ADAMTSL1: variants seen among roughly 807,000 people sequenced by gnomAD.
The protein encoded by ADAMTSL1 is ADAMTS like 1.
A neutral mutation model predicts 201.8 loss-of-function variants in ADAMTSL1; 126 were observed. That is an observed-to-expected ratio of 0.62 (90% CI 0.54 to 0.72). ADAMTSL1 has a LOEUF of 0.72. ADAMTSL1 is among the 30% of genes least tolerant of loss of function. The probability of loss-of-function intolerance (pLI) is 0.00; values close to 1 mark genes in which losing one functional copy is unlikely to be tolerated. For synonymous variants in ADAMTSL1, 1,121 were observed against 903.4 expected (o/e 1.24, Z -4.32); for missense variants, 2,679 against 2,277.8 (o/e 1.18, Z -3.59).
chr9:18,300,474 T>C (rs1345688609), intron 2 of ADAMTSL1, among the ~76,000 whole-genome samples: 1 of 57,946 alleles, frequency 1.7e-5, no homozygotes. Flanking sequence ...GGAGGGGGGC[T>C]GGGGGAGGGA....
At chr9:18,468,896 C>A (rs1234501582) in intron 2 of ADAMTSL1, among the ~76,000 whole-genome samples, 1 of 152,156 alleles carries the variant, frequency 6.6e-6, no homozygotes, top group Non-Finnish European at 1.5e-5. Flanking sequence ...TCAAATTTTA[C>A]AATTGTGGAG....
At chr9:18,806,621 A>G (rs1823136283) in intron 20 of ADAMTSL1, among the ~76,000 whole-genome samples, 1 of 152,168 alleles carries the variant, frequency 6.6e-6, no homozygotes, top group Non-Finnish European at 1.5e-5. Flanking sequence ...TAGGCCAAAG[A>G]TATTTTTCAA....
chr9:18,809,080 A>G (rs987298516), intron 20 of ADAMTSL1, among the ~76,000 whole-genome samples: 2 of 152,254 alleles, frequency 1.3e-5, no homozygotes, highest in Non-Finnish European at 2.9e-5. Context: ...GTGATCTCTG[A>G]TGTTATCAAA....
At chr9:18,478,078 T>G (rs1469052193) in intron 1 of ADAMTSL1, among the ~76,000 whole-genome samples, 1 of 152,198 alleles carries the variant, frequency 6.6e-6, no homozygotes, top group Non-Finnish European at 1.5e-5. Flanking sequence ...CTATTATGTA[T>G]GTATAAATTG....
At chr9:17,926,442 G>C (rs1826534808) in intron 1 of ADAMTSL1, among the ~76,000 whole-genome samples, 1 of 150,852 alleles carries the variant, frequency 6.6e-6, no homozygotes, top group African/African-American at 2.4e-5. Context: ...TGGCTCACTG[G>C]GCGTACTCAG....
intron 1 of ADAMTSL1, among the ~76,000 whole-genome samples, chr9:17,907,830 A>T (rs1343844): frequency 0.16 from 24,204 of 152,036 alleles, 2,094 homozygotes; most frequent in African/African-American, 0.22. Context: ...AAACCCACGA[A>T]TTGGGCAGTT....
At chr9:18,232,297 T>G (rs1830672645) in intron 2 of ADAMTSL1, among the ~76,000 whole-genome samples, 1 of 152,172 alleles carries the variant, frequency 6.6e-6, no homozygotes, top group Admixed American at 6.6e-5. Context: ...GTTGTCCCCC[T>G]TGCCGAATTC....
At chr9:18,262,999 A>G (rs1023995315) in intron 2 of ADAMTSL1, among the ~76,000 whole-genome samples, 1 of 152,232 alleles carries the variant, frequency 6.6e-6, no homozygotes, top group Non-Finnish European at 1.5e-5. Flanking sequence ...AAAACTGGGT[A>G]CAAGTACTGA....
chr9:18,134,062 CT>C (rs1188130175), intron 1 of ADAMTSL1, among the ~76,000 whole-genome samples: 1 of 152,100 alleles, frequency 6.6e-6, no homozygotes, highest in East Asian at 1.9e-4. Context: ...TTTAAGTTAC[CT>C]ACATTTGTAA....
intron 2 of ADAMTSL1, among the ~76,000 whole-genome samples, chr9:18,531,610 T>G (rs889712074): frequency 4.6e-5 from 7 of 152,204 alleles, no homozygotes; most frequent in Non-Finnish European, 8.8e-5. Context: ...TGTATAATTG[T>G]GTTGTCAGAT....
At chr9:18,355,036 C>A (rs1240213289) in intron 2 of ADAMTSL1, among the ~76,000 whole-genome samples, 1 of 152,042 alleles carries the variant, frequency 6.6e-6, no homozygotes. Flanking sequence ...CTTAATATTG[C>A]CCCTCTGTCC....
intron 1 of ADAMTSL1, among the ~76,000 whole-genome samples, chr9:18,018,284 G>A (rs542661844): frequency 8.5e-5 from 13 of 152,126 alleles, no homozygotes; most frequent in African/African-American, 2.9e-4. Context: ...CATTTTTTAT[G>A]TTTAACTCTG....
intron 26 of ADAMTSL1, among the ~76,000 whole-genome samples, chr9:18,901,544 CAG>C (rs1207566646): frequency 2.0e-5 from 3 of 152,040 alleles, no homozygotes; most frequent in African/African-American, 7.2e-5. Context: ...GGATGGGAAA[CAG>C]AGTGGTATAC....
chr9:18,370,649 T>C (rs1260243613), intron 2 of ADAMTSL1, among the ~76,000 whole-genome samples: 2 of 152,096 alleles, frequency 1.3e-5, no homozygotes, highest in Non-Finnish European at 2.9e-5. Context: ...TTTTGGGTTG[T>C]GTGTGTATTT....
At chr9:18,544,285 C>T (rs1820341673) in intron 3 of ADAMTSL1, among the ~76,000 whole-genome samples, 1 of 152,198 alleles carries the variant, frequency 6.6e-6, no homozygotes, top group Non-Finnish European at 1.5e-5. Flanking sequence ...AGTGAAACCA[C>T]AGCCCACAGT....
intron 1 of ADAMTSL1, among the ~76,000 whole-genome samples, chr9:18,068,087 C>A (rs771261634): frequency 1.7e-4 from 26 of 152,038 alleles, no homozygotes; most frequent in Non-Finnish European, 3.2e-4. Context: ...CTGGTCCTGC[C>A]CGGAGGCATA....
intron 24 of ADAMTSL1, among the ~76,000 whole-genome samples, 163 bp downstream of exon 24, chr9:18,888,206 A>C (rs1829022999): frequency 6.6e-6 from 1 of 152,202 alleles, no homozygotes; most frequent in Non-Finnish European, 1.5e-5. Context: ...TACTTCTGTC[A>C]ACATGGCCCT....
chr9:18,835,921 G>C (rs980224432), intron 23 of ADAMTSL1, among the ~76,000 whole-genome samples: 2 of 152,122 alleles, frequency 1.3e-5, no homozygotes, highest in African/African-American at 4.8e-5. Context: ...GGGCACCTAG[G>C]TTGATTCCAT....
intron 5 of ADAMTSL1, among the ~76,000 whole-genome samples, chr9:18,628,344 A>T (rs1018254055): frequency 1.3e-5 from 2 of 152,174 alleles, no homozygotes; most frequent in African/African-American, 4.8e-5. Context: ...TGAAAAAGAC[A>T]GCCTTTTCTC....
Sources: allele counts gnomAD v4.1 joint callset (sites outside exome capture counted in the v4.1 genomes callset), GRCh38; gene constraint gnomAD v4.1.1; transcripts MANE v1.5; gene names NCBI Gene and HGNC (gene_info 2026-07-23, HGNC 2026-07-21).